Variants in ATRNL1 observed in about 807,000 individuals in gnomAD.
ATRNL1 encodes attractin-like protein 1.
In ATRNL1, 95 loss-of-function variants were observed where a neutral mutation model predicts 182.7. The ratio of observed to expected loss-of-function variants is 0.52; its 90% CI spans 0.44 to 0.62. ATRNL1 has a LOEUF of 0.62. Among genes scored for constraint, ATRNL1 ranks in the 20% least tolerant of loss-of-function variants. ATRNL1 has a pLI of 0.00. For synonymous variants in ATRNL1, 576 were observed against 568.3 expected (o/e 1.01, Z -0.19); for missense variants, 1,471 against 1,679.5 (o/e 0.88, Z 2.17).
At position 115,611,897 on chromosome 10, in the gene ATRNL1, A is replaced by G. The variant is rs370592620; in HGVS notation, c.3795+62361A>G. Among the ~76,000 whole-genome samples the G allele has an allele frequency of 1.6e-3, 237 of 152,254 alleles. 1 individual carries two copies. Among genetic ancestry groups the G allele is most frequent in the African/African-American group, 5.4e-3 (226 of 41,570 alleles). Reference sequence around the variant, plus strand: ...TTAATAGCATCAAAGAACTAAATTGACAAGAGAGATAGTCATTACAAGGCC... The same window carrying G: ...TTAATAGCATCAAAGAACTAAATTGGCAAGAGAGATAGTCATTACAAGGCC... On this transcript the variant is annotated intron_variant, in intron 26 of 28. Transcript: ENST00000355044.
At chr10:115,633,196 C>A (rs1858632957) in intron 26 of ATRNL1, among the ~76,000 whole-genome samples, 1 of 152,198 alleles carries the variant, frequency 6.6e-6, no homozygotes, top group Non-Finnish European at 1.5e-5. Context: ...CAGGCGTGAG[C>A]CACTACACCT....
intron 8 of ATRNL1, among the ~76,000 whole-genome samples, chr10:115,174,455 A>T (rs1264755): frequency 0.75 from 113,586 of 151,506 alleles, 44,223 homozygotes; most frequent in African/African-American, 0.92. Flanking sequence ...TATAGGATAC[A>T]GTTTTCCACT....
At chr10:115,146,805 T>TC (rs1554879465) in intron 5 of ATRNL1, among the ~76,000 whole-genome samples, 2 of 151,668 alleles carry the variant, frequency 1.3e-5, no homozygotes, top group African/African-American at 4.8e-5. Flanking sequence ...TTTCATTCTT[T>TC]TTTTTTTTTT....
intron 24 of ATRNL1, among the ~76,000 whole-genome samples, chr10:115,516,559 C>T (rs1005000): frequency 0.44 from 66,199 of 151,632 alleles, 15,061 homozygotes; most frequent in Middle Eastern, 0.54. Flanking sequence ...TAGATCATGT[C>T]ATTCCCATAG....
chr10:115,758,177 C>T (rs578076448), intron 27 of ATRNL1, among the ~76,000 whole-genome samples: 1 of 152,140 alleles, frequency 6.6e-6, no homozygotes, highest in Admixed American at 6.5e-5. Context: ...TCATCAAACT[C>T]ATTCTCTGTC....
chr10:115,224,438 C>T (rs1367303835), intron 9 of ATRNL1, among the ~76,000 whole-genome samples: 3 of 151,058 alleles, frequency 2.0e-5, no homozygotes, highest in Admixed American at 1.3e-4. Flanking sequence ...AGACTGATCC[C>T]AAGAAAGGAT....
intron 2 of ATRNL1, 80 bp from the exon 3 acceptor site, chr10:115,121,619 T>A: frequency 6.2e-6 from 3 of 484,436 alleles, no homozygotes; most frequent in Non-Finnish European, 1.0e-5. Flanking sequence ...GCTTTGTATA[T>A]TATATAATAA....
chr10:115,239,378 G>A (rs574146085), intron 9 of ATRNL1, among the ~76,000 whole-genome samples: 13 of 151,830 alleles, frequency 8.6e-5, no homozygotes, highest in Non-Finnish European at 1.5e-4. Context: ...GACTACAGGC[G>A]CAGGCTACCA....
chr10:115,561,083 A>G (rs1233949259), intron 26 of ATRNL1, among the ~76,000 whole-genome samples: 2 of 152,198 alleles, frequency 1.3e-5, no homozygotes, highest in Non-Finnish European at 2.9e-5. Flanking sequence ...AATCTTCTTG[A>G]TCTTTCAGAA....
intron 10 of ATRNL1, among the ~76,000 whole-genome samples, chr10:115,242,914 G>T (rs1206845768): frequency 6.6e-6 from 1 of 152,034 alleles, no homozygotes; most frequent in Non-Finnish European, 1.5e-5. Context: ...ATGAATCATT[G>T]TTTGAAATTA....
At chr10:115,718,332 C>T (rs1947318693) in intron 26 of ATRNL1, among the ~76,000 whole-genome samples, 2 of 152,030 alleles carry the variant, frequency 1.3e-5, no homozygotes, top group Admixed American at 1.3e-4. Context: ...TTCCATAATA[C>T]TTTTATGTAT....
chr10:115,500,410 A>G (rs1403454543), intron 24 of ATRNL1, among the ~76,000 whole-genome samples: 4 of 152,184 alleles, frequency 2.6e-5, no homozygotes, highest in Non-Finnish European at 4.4e-5. Context: ...AGGCAAGACT[A>G]GAATCTAACA....
chr10:115,606,007 G>A (rs923833890), intron 26 of ATRNL1, among the ~76,000 whole-genome samples: 8 of 151,750 alleles, frequency 5.3e-5, no homozygotes, highest in Non-Finnish European at 1.0e-4. Flanking sequence ...GTGGGGATAG[G>A]GAGAAAAAGA....
intron 27 of ATRNL1, among the ~76,000 whole-genome samples, chr10:115,778,752 T>G (rs1359845642): frequency 1.3e-5 from 2 of 152,122 alleles, no homozygotes; most frequent in African/African-American, 2.4e-5. Flanking sequence ...AGTTGAGAGC[T>G]TTTTGGTTTT....
At chr10:115,832,791 C>T (rs1950587794) in intron 27 of ATRNL1, among the ~76,000 whole-genome samples, 1 of 152,098 alleles carries the variant, frequency 6.6e-6, no homozygotes, top group Admixed American at 6.6e-5. Context: ...GCTTCAAAGC[C>T]ACCCCTTCTT....
At chr10:115,494,594 T>A (rs1030512010) in intron 24 of ATRNL1, among the ~76,000 whole-genome samples, 2 of 152,210 alleles carry the variant, frequency 1.3e-5, no homozygotes, top group African/African-American at 4.8e-5. Context: ...TATATTCAGA[T>A]GATTATGTGG....
chr10:115,645,447 G>T, intron 26 of ATRNL1, among the ~76,000 whole-genome samples: 1 of 146,326 alleles, frequency 6.8e-6, no homozygotes, highest in African/African-American at 2.5e-5. Context: ...ATATAATATA[G>T]ATTTATATAT....
At chr10:115,853,297 T>C (rs782804105) in intron 28 of ATRNL1, among the ~76,000 whole-genome samples, 1 of 152,200 alleles carries the variant, frequency 6.6e-6, no homozygotes, top group African/African-American at 2.4e-5. Context: ...TTTAAAAAAA[T>C]CTTAAAACTG....
intron 27 of ATRNL1, among the ~76,000 whole-genome samples, chr10:115,757,359 G>A (rs782329065): frequency 6.6e-6 from 1 of 152,140 alleles, no homozygotes; most frequent in African/African-American, 2.4e-5. Context: ...GCCTGGTGGT[G>A]ACAAAATCTC....
Sources: allele counts gnomAD v4.1 joint callset (sites outside exome capture counted in the v4.1 genomes callset), GRCh38; gene constraint gnomAD v4.1.1; transcripts MANE v1.5; gene names NCBI Gene and HGNC (gene_info 2026-07-23, HGNC 2026-07-21).